INTS9: variants seen among roughly 807,000 people sequenced by gnomAD.
INTS9 encodes protein related to CPSF subunits of 74 kDa.
INTS9 carries 55 observed loss-of-function variants against 79.7 expected under a neutral mutation model. The ratio of observed to expected loss-of-function variants is 0.69; its 90% CI spans 0.56 to 0.86. The LOEUF is 0.86. Ranked by LOEUF, INTS9 falls within the 40% of genes least tolerant of loss-of-function variation. The pLI is 0.00. For synonymous variants in INTS9, 319 were observed against 325.2 expected (o/e 0.98, Z 0.20); for missense variants, 721 against 831.5 (o/e 0.87, Z 1.64).
chr8:28,792,788 C>T (rs980128097), intron 10 of INTS9, among the ~76,000 whole-genome samples: 3 of 152,010 alleles, frequency 2.0e-5, no homozygotes, highest in African/African-American at 7.2e-5. Flanking sequence ...TGGCGGGTGC[C>T]TGTAATCCCA....
chr8:28,773,245 C>CGT (rs1411719967), intron 14 of INTS9, among the ~76,000 whole-genome samples: 1 of 152,126 alleles, frequency 6.6e-6, no homozygotes, highest in African/African-American at 2.4e-5. Flanking sequence ...GGGTGGATCA[C>CGT]AAGGTCAGGA....
intron 12 of INTS9, among the ~76,000 whole-genome samples, chr8:28,778,737 C>T: frequency 6.6e-6 from 1 of 152,208 alleles, no homozygotes; most frequent in East Asian, 1.9e-4. Context: ...CACTTTGATT[C>T]CCAGCACAGT....
At chr8:28,782,779 T>G (rs1803357921) in intron 11 of INTS9, among the ~76,000 whole-genome samples, 1 of 152,180 alleles carries the variant, frequency 6.6e-6, no homozygotes, top group South Asian at 2.1e-4. Flanking sequence ...TCTTGGATAC[T>G]GTGGCTAGAG....
intron 14 of INTS9, among the ~76,000 whole-genome samples, chr8:28,771,934 C>T (rs1391583866): frequency 1.3e-5 from 2 of 152,120 alleles, no homozygotes; most frequent in Non-Finnish European, 2.9e-5. Flanking sequence ...GATCATAGCT[C>T]ATTGCAACCT....
intron 9 of INTS9, among the ~76,000 whole-genome samples, chr8:28,795,413 G>A (rs28674701): frequency 7.8e-4 from 118 of 152,062 alleles, no homozygotes; most frequent in African/African-American, 2.8e-3. Context: ...AGGCCGAGGC[G>A]GACGGATCAT....
intron 1 of INTS9, among the ~76,000 whole-genome samples, chr8:28,864,318 C>T (rs1328677458): frequency 2.0e-5 from 3 of 152,182 alleles, no homozygotes; most frequent in East Asian, 1.9e-4. Context: ...AAAGTTAAGA[C>T]ATTTTCAGAC....
chr8:28,864,561 A>G (rs1169466336), intron 1 of INTS9, among the ~76,000 whole-genome samples: 1 of 152,208 alleles, frequency 6.6e-6, no homozygotes, highest in African/African-American at 2.4e-5. Context: ...TACCACTGAG[A>G]AAAACAGCAA....
chr8:28,786,374 G>A (rs937730464), intron 11 of INTS9, among the ~76,000 whole-genome samples: 1 of 151,652 alleles, frequency 6.6e-6, no homozygotes, highest in Non-Finnish European at 1.5e-5. Context: ...CAGCAGCCTC[G>A]AACTCCCTCA....
At chr8:28,838,931 G>A (rs1291941971) in intron 4 of INTS9, among the ~76,000 whole-genome samples, 1 of 152,144 alleles carries the variant, frequency 6.6e-6, no homozygotes, top group Non-Finnish European at 1.5e-5. Context: ...TACCTAACAA[G>A]CCTTGGTGTG....
At chr8:28,778,049 A>AG in intron 12 of INTS9, 96 bp from the exon 13 acceptor site, 1 of 1,368,892 alleles carries the variant, frequency 7.3e-7, no homozygotes, top group Non-Finnish European at 9.8e-7. Context: ...ACAGACAGTC[A>AG]GGGGGTCAGG....
At chr8:28,828,320 T>C (rs1251936588) in intron 6 of INTS9, among the ~76,000 whole-genome samples, 1 of 152,218 alleles carries the variant, frequency 6.6e-6, no homozygotes, top group African/African-American at 2.4e-5. Context: ...AGAAGACAGA[T>C]GTATTCTAGT....
At chr8:28,770,175 C>G in intron 15 of INTS9, 149 bp from the exon 16 acceptor site, 1 of 1,001,064 alleles carries the variant, frequency 1.0e-6, no homozygotes, top group East Asian at 2.6e-5. Flanking sequence ...TTCAGGTTCC[C>G]TGGCTGCCGG....
At position 28,794,003 on chromosome 8, in the gene INTS9, C is replaced by A; in HGVS notation, c.857-16G>T. 2.0e-6 allele frequency: 3 copies of A among 1,513,536 alleles called. No individual in the cohort carries two copies. The highest frequency in any genetic ancestry group is 1.3e-5 in the South Asian group (1 of 75,856). The allele number at this position is 1,513,536 out of a possible 1,614,324, so 93.8% of individuals were successfully genotyped here. ...ACTGTCAGAGCTAGAAAAGTGGATGCCAGAGGAGAAAAAACATCATATCAA... is the reference window on the plus strand; with the variant it reads ...ACTGTCAGAGCTAGAAAAGTGGATGACAGAGGAGAAAAAACATCATATCAA... On this transcript the variant is annotated splice_polypyrimidine_tract_variant and intron_variant, in intron 9 of 16. Coordinates refer to ENST00000521022, the MANE Select transcript of INTS9 (RefSeq NM_018250.4).
chr8:28,822,877 C>A (rs1585416258), intron 6 of INTS9, among the ~76,000 whole-genome samples: 1 of 152,114 alleles, frequency 6.6e-6, no homozygotes, highest in Admixed American at 6.5e-5. Context: ...ACTTCCCACA[C>A]ACTCTTTGTG....
chr8:28,822,004 C>T (rs1007256405), intron 6 of INTS9, among the ~76,000 whole-genome samples: 4 of 151,996 alleles, frequency 2.6e-5, no homozygotes, highest in African/African-American at 7.3e-5. Context: ...TGGACTCAAG[C>T]GATCTGCCCG....
At position 28,848,962 on chromosome 8, in the gene INTS9, G is replaced by A. The variant is rs1585468824; in HGVS notation, c.198+1251C>T. On this transcript the variant is annotated intron_variant, in intron 3 of 16. Transcript: ENST00000521022. ...GACTCAGGCTGAAATCAGGTGCACA[G>A]GTTTCTGAATGTCACATAATTTTAC... Among the ~76,000 whole-genome samples the A allele has an allele frequency of 4.6e-5, 7 of 152,302 alleles. No homozygotes were observed. In the South Asian group the frequency reaches 8.3e-4, roughly 18 times the overall value.
At chr8:28,815,471 C>T (rs1003065359) in intron 6 of INTS9, among the ~76,000 whole-genome samples, 1 of 152,138 alleles carries the variant, frequency 6.6e-6, no homozygotes, top group African/African-American at 2.4e-5. Flanking sequence ...AACCTGAAGT[C>T]AGAAATGGTC....
intron 14 of INTS9, among the ~76,000 whole-genome samples, chr8:28,771,576 T>C (rs1389236559): frequency 6.6e-6 from 1 of 152,260 alleles, no homozygotes; most frequent in African/African-American, 2.4e-5. Context: ...GAGGCCATTA[T>C]GTAAACATGA....
In INTS9 at chr8:28,875,248, T is replaced by C. The variant is rs115714037; in HGVS notation, c.9+14626A>G. On this transcript the variant is annotated intron_variant, in intron 1 of 16. Transcript: ENST00000521022. Reference sequence around the variant, plus strand: ...AAATAGGAGGATGTCTTGGGGGAAATGTATCCATTTTTGTACACACTGCTA... The same window carrying C: ...AAATAGGAGGATGTCTTGGGGGAAACGTATCCATTTTTGTACACACTGCTA... Among the ~76,000 whole-genome samples the C allele has an allele frequency of 3.8e-4, 58 of 152,254 alleles. 1 individual carries two copies. Among genetic ancestry groups the C allele is most frequent in the African/African-American group, 1.3e-3 (53 of 41,532 alleles).
Sources: allele counts gnomAD v4.1 joint callset (sites outside exome capture counted in the v4.1 genomes callset), GRCh38; gene constraint gnomAD v4.1.1; transcripts MANE v1.5; gene names NCBI Gene and HGNC (gene_info 2026-07-23, HGNC 2026-07-21).